Variants in PBX3 observed in about 807,000 individuals in gnomAD.
The protein encoded by PBX3 is PBX homeobox 3.
Under a neutral mutation model 48.5 loss-of-function variants are expected in PBX3, and 14 were observed. That is an observed-to-expected ratio of 0.29 (90% CI 0.19 to 0.45). The LOEUF is 0.45. Ranked by LOEUF, PBX3 falls within the 20% of genes least tolerant of loss-of-function variation. PBX3 has a pLI of 1.00. For synonymous variants in PBX3, 210 were observed against 200.3 expected (o/e 1.05, Z -0.41); for missense variants, 386 against 546.7 (o/e 0.71, Z 2.93).
intron 2 of PBX3, among the ~76,000 whole-genome samples, chr9:125,778,445 G>A (rs1382309101): frequency 1.3e-5 from 2 of 151,714 alleles, no homozygotes; most frequent in Non-Finnish European, 2.9e-5. Flanking sequence ...TTTTAGTAGA[G>A]ACAGAGTTTC....
intron 2 of PBX3, among the ~76,000 whole-genome samples, chr9:125,805,725 T>C (rs997902312): frequency 2.6e-5 from 4 of 152,212 alleles, no homozygotes; most frequent in Non-Finnish European, 4.4e-5. Flanking sequence ...TGATGGTGCC[T>C]TTCCCTAAAA....
intron 2 of PBX3, among the ~76,000 whole-genome samples, chr9:125,780,717 C>T (rs192520718): frequency 8.9e-5 from 5 of 56,046 alleles, no homozygotes; most frequent in African/African-American, 2.5e-4. Flanking sequence ...CCCTCCCGGA[C>T]GGGGGGCTGA....
At chr9:125,754,015 C>T (rs1564638099) in intron 2 of PBX3, among the ~76,000 whole-genome samples, 1 of 152,052 alleles carries the variant, frequency 6.6e-6, no homozygotes, top group Non-Finnish European at 1.5e-5. Flanking sequence ...AGAATTGAAA[C>T]TGCATTTCGT....
At chr9:125,911,127 T>G (rs1186451002) in intron 2 of PBX3, among the ~76,000 whole-genome samples, 2 of 152,118 alleles carry the variant, frequency 1.3e-5, no homozygotes, top group Non-Finnish European at 2.9e-5. Flanking sequence ...CACCACTGTT[T>G]CCAAATTATA....
intron 2 of PBX3, among the ~76,000 whole-genome samples, chr9:125,792,554 A>G (rs1229222485): frequency 2.0e-5 from 3 of 152,138 alleles, no homozygotes; most frequent in African/African-American, 7.2e-5. Context: ...AGACTTCCAG[A>G]GCCAGCCTTA....
chr9:125,776,034 C>T (rs891153035), intron 2 of PBX3, among the ~76,000 whole-genome samples: 18 of 152,310 alleles, frequency 1.2e-4, no homozygotes, highest in Non-Finnish European at 1.8e-4. Flanking sequence ...GTGACAACTA[C>T]AGATAAAGAC....
At chr9:125,919,076 A>AT (rs1366523980) in intron 3 of PBX3, among the ~76,000 whole-genome samples, 1 of 152,178 alleles carries the variant, frequency 6.6e-6, no homozygotes, top group Non-Finnish European at 1.5e-5. Flanking sequence ...GTTTCTGAAA[A>AT]TGTCTTCCTT....
chr9:125,805,581 A>G (rs1260657423), intron 2 of PBX3, among the ~76,000 whole-genome samples: 1 of 152,230 alleles, frequency 6.6e-6, no homozygotes, highest in Non-Finnish European at 1.5e-5. Context: ...ATAGCAGTAA[A>G]GACGGAGATA....
chr9:125,784,998 C>T (rs917632960), intron 2 of PBX3, among the ~76,000 whole-genome samples: 1 of 152,200 alleles, frequency 6.6e-6, no homozygotes, highest in Non-Finnish European at 1.5e-5. Context: ...CCTTCGCTAG[C>T]CTTTTCTTTT....
At chr9:125,948,127 G>A (rs1842104348) in intron 5 of PBX3, among the ~76,000 whole-genome samples, 1 of 152,204 alleles carries the variant, frequency 6.6e-6, no homozygotes, top group African/African-American at 2.4e-5. Context: ...CAAAGTGTCT[G>A]CAGTGGGGCT....
chr9:125,927,043 A>G (rs1454935472), intron 3 of PBX3, among the ~76,000 whole-genome samples: 2 of 152,248 alleles, frequency 1.3e-5, no homozygotes, highest in African/African-American at 4.8e-5. Flanking sequence ...TCTCATCAGA[A>G]TTATTAATAT....
intron 2 of PBX3, among the ~76,000 whole-genome samples, chr9:125,830,101 G>T (rs1838916223): frequency 6.6e-6 from 1 of 152,134 alleles, no homozygotes; most frequent in African/African-American, 2.4e-5. Flanking sequence ...AGTTGTCTCA[G>T]CACTGTAGAG....
At chr9:125,858,880 C>T (rs1203300791) in intron 2 of PBX3, among the ~76,000 whole-genome samples, 2 of 152,154 alleles carry the variant, frequency 1.3e-5, no homozygotes, top group Non-Finnish European at 2.9e-5. Flanking sequence ...CCATCCTTTG[C>T]CTTGCAAAGT....
Position 125,828,612 on chromosome 9 carries a change from A to G in PBX3, c.274+79989A>G, listed in dbSNP as rs1162721543. On this transcript the variant is annotated intron_variant, in intron 2 of 8. Coordinates refer to ENST00000373489, the MANE Select transcript of PBX3 (RefSeq NM_006195.6). ...TTTTTTAAACTACTTTCTACCCTCA[A>G]TTAGCATATCATGTCATATCAGACC... Among the ~76,000 whole-genome samples the G allele has an allele frequency of 4.6e-5, 7 of 152,176 alleles. 1 individual carries two copies. The South Asian group carries it at 8.3e-4, about 18-fold the overall frequency.
In PBX3 at chr9:125,929,657, A is replaced by T. The variant is rs1408893213; in HGVS notation, c.519A>T (p.Ala173=). The stretch of plus-strand genomic sequence containing the variant: ...GTGATTTTTTTTTCCCATTACAGGC[A>T]TGTAATGAATTTACTACACATGTGA... ...YHTELEKYEQ[A]CNEFTTHVMN... The change falls in exon 4 of 9, where the codon GCA becomes GCT. Residue 173 remains alanine, a splice_region_variant and synonymous_variant. Transcript: ENST00000373489. 6.3e-7 allele frequency: 1 copy of T among 1,599,306 alleles called. No homozygotes were observed.
At chr9:125,953,931 G>T (rs983075212) in intron 5 of PBX3, among the ~76,000 whole-genome samples, 24 of 152,328 alleles carry the variant, frequency 1.6e-4, no homozygotes, top group African/African-American at 5.3e-4. Flanking sequence ...GAGGACTCAG[G>T]TATGCACGGT....
chr9:125,771,160 C>T (rs1047277086), intron 2 of PBX3, among the ~76,000 whole-genome samples: 1 of 152,146 alleles, frequency 6.6e-6, no homozygotes, highest in Non-Finnish European at 1.5e-5. Flanking sequence ...AAGGCTGGTG[C>T]ATATTTCATT....
chr9:125,902,244 A>T (rs1365831228), intron 2 of PBX3, among the ~76,000 whole-genome samples: 1 of 151,720 alleles, frequency 6.6e-6, no homozygotes, highest in African/African-American at 2.4e-5. Context: ...TGAAAACATT[A>T]TATAAGGTTT....
chr9:125,782,038 T>G (rs1355441465), intron 2 of PBX3, among the ~76,000 whole-genome samples: 2 of 152,202 alleles, frequency 1.3e-5, no homozygotes, highest in Non-Finnish European at 2.9e-5. Context: ...ATTATGGGGA[T>G]TACAATTAAT....
Sources: gnomAD v4.1 joint callset for allele counts (sites outside exome capture counted in the v4.1 genomes callset) on GRCh38, gnomAD v4.1.1 for gene constraint, MANE v1.5 for transcripts, NCBI Gene and HGNC (gene_info 2026-07-23, HGNC 2026-07-21) for gene names.